EPHA5: variants seen among roughly 807,000 people sequenced by gnomAD.
EPHA5 encodes the protein ephrin type-A receptor 5.
A neutral mutation model predicts 105.0 loss-of-function variants in EPHA5; 60 were observed. The observed-to-expected ratio is 0.57, with a 90% CI of 0.46 to 0.71. The LOEUF (loss-of-function observed/expected upper bound fraction) is 0.71, where lower values mean the gene tolerates loss of function less well. Ranked by LOEUF, EPHA5 falls within the 30% of genes least tolerant of loss-of-function variation. EPHA5 has a pLI of 0.00. For missense variants in EPHA5, 1,218 were observed against 1,274.7 expected (o/e 0.96, Z 0.68); for synonymous variants, 513 against 449.1 (o/e 1.14, Z -1.80).
intron 5 of EPHA5, among the ~76,000 whole-genome samples, chr4:65,488,834 G>A (rs558822996): frequency 3.3e-5 from 5 of 151,084 alleles, no homozygotes; most frequent in Middle Eastern, 3.5e-3. Context: ...GAATGTTTCC[G>A]TCAGCTTTAT....
intron 3 of EPHA5, among the ~76,000 whole-genome samples, chr4:65,534,321 A>G (rs1330288579): frequency 6.6e-6 from 1 of 152,212 alleles, no homozygotes; most frequent in Non-Finnish European, 1.5e-5. Flanking sequence ...GTTACTGCCC[A>G]CATGCCTGAG....
chr4:65,404,263 G>T, intron 8 of EPHA5, 111 bp downstream of exon 8: 1 of 737,828 alleles, frequency 1.4e-6, no homozygotes, highest in South Asian at 1.6e-5. Context: ...ATTATCTGCT[G>T]ATATATTGCT....
intron 5 of EPHA5, among the ~76,000 whole-genome samples, chr4:65,467,058 T>C (rs1728789230): frequency 6.6e-6 from 1 of 152,128 alleles, no homozygotes; most frequent in Non-Finnish European, 1.5e-5. Context: ...TATTTAAAAA[T>C]ACACAAGAAA....
chr4:65,475,522 C>A (rs1006359191), intron 5 of EPHA5, among the ~76,000 whole-genome samples: 1 of 152,102 alleles, frequency 6.6e-6, no homozygotes, highest in East Asian at 1.9e-4. Context: ...ATGATTTCAA[C>A]CACTGGGAAG....
At chr4:65,545,349 A>G (rs1737270162) in intron 3 of EPHA5, among the ~76,000 whole-genome samples, 1 of 151,844 alleles carries the variant, frequency 6.6e-6, no homozygotes, top group South Asian at 2.1e-4. Context: ...TGGATTCTCC[A>G]TTTTCCAAAG....
intron 3 of EPHA5, among the ~76,000 whole-genome samples, chr4:65,544,812 C>T (rs1283653140): frequency 6.6e-6 from 1 of 151,698 alleles, no homozygotes; most frequent in Admixed American, 6.6e-5. Flanking sequence ...TAGCAAAGAC[C>T]TGTAACCAAC....
At chr4:65,548,777 C>T (rs960263595) in intron 3 of EPHA5, among the ~76,000 whole-genome samples, 13 of 152,032 alleles carry the variant, frequency 8.6e-5, no homozygotes, top group Non-Finnish European at 1.5e-4. Context: ...CTCAGTATAA[C>T]AAAGGTAAAG....
intron 2 of EPHA5, among the ~76,000 whole-genome samples, chr4:65,637,569 C>CATATATATATAT (rs34456844): frequency 0.043 from 4,849 of 111,994 alleles, 217 homozygotes; most frequent in Non-Finnish European, 0.062. Context: ...ATGAGTTTTG[C>CATATATATATAT]ATATATATAT....
chr4:65,436,411 T>A (rs532854761), intron 5 of EPHA5, among the ~76,000 whole-genome samples: 1 of 151,878 alleles, frequency 6.6e-6, no homozygotes, highest in African/African-American at 2.4e-5. Context: ...CTCGAGACAC[T>A]CATGTTAAAT....
At chr4:65,610,605 A>T (rs981566737) in intron 2 of EPHA5, among the ~76,000 whole-genome samples, 1 of 152,174 alleles carries the variant, frequency 6.6e-6, no homozygotes, top group Non-Finnish European at 1.5e-5. Context: ...TACTAATAAG[A>T]ACAAATGCAA....
chr4:65,328,648 AT>A (rs5858947), intron 16 of EPHA5, among the ~76,000 whole-genome samples: 137,947 of 149,012 alleles, frequency 0.93, 64,521 homozygotes, highest in Non-Finnish European at 1. Context: ...TATGTTTGTC[AT>A]TTTTTTTTTT....
intron 11 of EPHA5, among the ~76,000 whole-genome samples, chr4:65,363,212 T>G (rs192427723): frequency 3.3e-5 from 5 of 151,576 alleles, no homozygotes; most frequent in African/African-American, 1.2e-4. Flanking sequence ...AGTGGAGAAG[T>G]AGTAACTATG....
intron 8 of EPHA5, among the ~76,000 whole-genome samples, chr4:65,403,371 T>C (rs1722041129): frequency 6.8e-6 from 1 of 147,250 alleles, no homozygotes; most frequent in African/African-American, 2.5e-5. Context: ...TTTCCTGTCT[T>C]TTTTTTTGGA....
At chr4:65,526,911 A>C (rs1735288589) in intron 3 of EPHA5, among the ~76,000 whole-genome samples, 1 of 152,034 alleles carries the variant, frequency 6.6e-6, no homozygotes. Flanking sequence ...ACATTAACAG[A>C]AATTTTAGAA....
At chr4:65,658,601 A>G (rs771923749) in intron 1 of EPHA5, among the ~76,000 whole-genome samples, 72 of 152,104 alleles carry the variant, frequency 4.7e-4, no homozygotes, top group Non-Finnish European at 8.2e-4. Context: ...TAGAACTTTT[A>G]TGGAGCACAT....
intron 3 of EPHA5, among the ~76,000 whole-genome samples, chr4:65,569,769 C>T (rs1476276434): frequency 6.6e-6 from 1 of 151,604 alleles, no homozygotes; most frequent in African/African-American, 2.4e-5. Flanking sequence ...TGCCATTTCA[C>T]CTCAAAATGA....
chr4:65,581,635 A>T (rs1207240916), intron 3 of EPHA5, among the ~76,000 whole-genome samples: 1 of 151,768 alleles, frequency 6.6e-6, no homozygotes, highest in Admixed American at 6.6e-5. Flanking sequence ...TACCAGCCAT[A>T]GGGACATTTT....
At chr4:65,572,440 G>C (rs970983910) in intron 3 of EPHA5, among the ~76,000 whole-genome samples, 22 of 152,092 alleles carry the variant, frequency 1.4e-4, no homozygotes, top group Middle Eastern at 3.4e-3. Flanking sequence ...TTTAAACTTA[G>C]GCCCCCACTG....
Position 65,581,886 on chromosome 4 carries a change from T to C in EPHA5, c.910+19755A>G, listed in dbSNP as rs1741660680. On this transcript the variant is annotated intron_variant, in intron 3 of 16. Transcript: ENST00000613740. ...TTTGTAATTCTTTACACATAGACAA[T>C]TGAAATTCTGGTAAAGTAATTTACT... Among the ~76,000 whole-genome samples, 2 of 151,854 alleles carry C rather than the reference T, an allele frequency of 1.3e-5. 1 individual carries two copies. Among genetic ancestry groups the C allele is most frequent in the South Asian group, 4.1e-4 (2 of 4,828 alleles).
Sources: allele counts gnomAD v4.1 joint callset (sites outside exome capture counted in the v4.1 genomes callset), GRCh38; gene constraint gnomAD v4.1.1; transcripts MANE v1.5; gene names NCBI Gene and HGNC (gene_info 2026-07-23, HGNC 2026-07-21).